IPO9: variants seen among roughly 807,000 people sequenced by gnomAD.
The protein encoded by IPO9 is importin 9.
A neutral mutation model predicts 128.6 loss-of-function variants in IPO9; 28 were observed. That is an observed-to-expected ratio of 0.22 (90% CI 0.16 to 0.30). The LOEUF (loss-of-function observed/expected upper bound fraction) is 0.30. Ranked by LOEUF, IPO9 falls within the 10% of genes least tolerant of loss-of-function variation. The pLI is 1.00. For synonymous variants in IPO9, 455 were observed against 475.8 expected (o/e 0.96, Z 0.57); for missense variants, 935 against 1,293.9 (o/e 0.72, Z 4.26).
chr1:201,876,460 A>G lies in IPO9; in HGVS notation c.*406A>G. On this transcript the variant is annotated 3_prime_UTR_variant, in exon 24 of 24. Transcript: ENST00000361565. ...TTCTAAAACAGACCTATCTATGTTC[A>G]TAGGACTTCTGATGTGTTCAGATAG... 5.8e-6 allele frequency: 2 copies of G among 347,122 alleles called. No individual in the cohort carries two copies. The highest frequency in any genetic ancestry group is 2.3e-5 in the South Asian group (1 of 44,116). The allele number at this position is 347,122 out of a possible 1,614,324, so 21.5% of individuals were successfully genotyped here. A position where few individuals can be genotyped will look rare whatever the true frequency, so the allele number is the denominator to read the frequency against.
At position 201,870,583 on chromosome 1, in the gene IPO9, A is replaced by C; in HGVS notation, c.2134A>C (p.Asn712His). 6.2e-7 allele frequency: 1 copy of C among 1,611,110 alleles called. No homozygotes were observed. Among genetic ancestry groups the C allele is most frequent in the Non-Finnish European group, 8.5e-7 (1 of 1,177,626 alleles). The change falls in exon 18 of 24, where the codon AAT becomes CAT. Residue 712 changes from asparagine to histidine, a missense_variant and splice_region_variant. Coordinates refer to ENST00000361565, the MANE Select transcript of IPO9 (RefSeq NM_018085.5). This position sits in a 1 kb window ranked among gnomAD's most constrained non-coding sequence, Gnocchi z 4.9. ...LHTDDNATMQ[N>H]GGECLRAYVS... Reference sequence around the variant, plus strand: ...TTGCTTGCCACCCCTGTCTCCCCAGAATGGCGGAGAGTGCTTGCGGGCCTA... The same window carrying C: ...TTGCTTGCCACCCCTGTCTCCCCAGCATGGCGGAGAGTGCTTGCGGGCCTA...
chr1:201,869,792 G>A, intron 17 of IPO9, 74 bp downstream of exon 17: 4 of 1,502,168 alleles, frequency 2.7e-6, no homozygotes, highest in Middle Eastern at 1.8e-4. Flanking sequence ...TGAGAAATCT[G>A]ACATGGTTTT....
chr1:201,836,180 C>A (rs2102868200), intron 1 of IPO9, among the ~76,000 whole-genome samples: 1 of 145,580 alleles, frequency 6.9e-6, no homozygotes, highest in East Asian at 2.0e-4. Context: ...TCCCCCAACA[C>A]ACACACACGT....
chr1:201,872,351 G>A (rs1680668961), intron 19 of IPO9, among the ~76,000 whole-genome samples: 1 of 152,118 alleles, frequency 6.6e-6, no homozygotes, highest in Non-Finnish European at 1.5e-5. Context: ...AAGAAGAACA[G>A]GTCACCTGTA....
Position 201,829,558 on chromosome 1 carries a change from AAG to A in IPO9, c.163+187_163+188del, listed in dbSNP as rs374967213. The stretch of plus-strand genomic sequence containing the variant: ...GTCCGAGAGAGGAGAGGCGCGCCTG[AAG>A]GATAGGGTCGGGGGAGGTGGAGCCT... On this transcript the variant is annotated intron_variant, in intron 1 of 23. Coordinates refer to ENST00000361565, the MANE Select transcript of IPO9 (RefSeq NM_018085.5). 4.9e-3 allele frequency: 1,439 copies of A among 293,344 alleles called. 23 individuals are homozygous for A. Among genetic ancestry groups the A allele is most frequent in the African/African-American group, 0.032 (1,361 of 42,170 alleles). The allele number at this position is 293,344 out of a possible 1,614,324, so 18.2% of individuals were successfully genotyped here. A position where few individuals can be genotyped will look rare whatever the true frequency, so the allele number is the denominator to read the frequency against.
rs1186817226 is a variant in IPO9, at chr1:201,871,962, C to T, written c.2576+635C>T. On this transcript the variant is annotated intron_variant, in intron 19 of 23. Coordinates refer to ENST00000361565, the MANE Select transcript of IPO9 (RefSeq NM_018085.5). ...TATAAGCCCAAGCCTTGGCCAGGCA[C>T]AGTGGCTCACACCTATAATCCCAGC... Among the ~76,000 whole-genome samples the T allele has an allele frequency of 2.0e-5, 3 of 152,170 alleles. No homozygotes were observed. In the East Asian group the frequency reaches 5.8e-4, roughly 29 times the overall value.
In IPO9 at chr1:201,877,486, A is replaced by AACACACAC. The variant is rs1680786614; in HGVS notation, c.*1432_*1433insACACACAC. ...CCGTTGCATTCCAAGGCAAGACTCA[A>AACACACAC]TCACACACACACACACACACACACA... is the stretch of plus-strand genomic sequence containing the variant. On this transcript the variant is annotated 3_prime_UTR_variant, in exon 24 of 24. Transcript: ENST00000361565. 3 of 89,334 alleles carry AACACACAC rather than the reference A, an allele frequency of 3.4e-5. No homozygotes were observed. The highest frequency in any genetic ancestry group is 1.0e-4 in the African/African-American group (3 of 28,982). 5.5% of individuals were successfully genotyped at this position (89,334 alleles called of 1,614,324 possible).
Position 201,848,614 on chromosome 1 carries a change from C to T in IPO9, c.514+20C>T, listed in dbSNP as rs1357217537. Reference sequence around the variant, plus strand: ...TGACAGGTACCAGAAGCCCTTTTCCCTGGTATTGGTACTTGGATCTCAAGC... The same window carrying T: ...TGACAGGTACCAGAAGCCCTTTTCCTTGGTATTGGTACTTGGATCTCAAGC... On this transcript the variant is annotated intron_variant, in intron 4 of 23. Coordinates refer to ENST00000361565, the MANE Select transcript of IPO9 (RefSeq NM_018085.5). The T allele has an allele frequency of 1.2e-6, 2 of 1,612,118 alleles. No homozygotes were observed. Among genetic ancestry groups the T allele is most frequent in the East Asian group, 4.5e-5 (2 of 44,880 alleles).
Position 201,829,267 on chromosome 1 carries a change from G to A in IPO9, c.58G>A (p.Gly20Arg), listed in dbSNP as rs756977842. 2 of 1,598,464 alleles carry A rather than the reference G, an allele frequency of 1.3e-6. No individual in the cohort carries two copies. Among genetic ancestry groups the A allele is most frequent in the South Asian group, 2.3e-5 (2 of 88,586 alleles). ...CGGGCTGCCGGGTCCAGTGGCACAAGGATTAAAGGAAGCGTTAGTGGATAC... is the reference window on the plus strand; with the variant it reads ...CGGGCTGCCGGGTCCAGTGGCACAAAGATTAAAGGAAGCGTTAGTGGATAC... ...ASGLPGPVAQ[G>R]LKEALVDTLT... Residue 20 changes from glycine (G) to arginine (R), a missense_variant, in exon 1 of 24, where the codon GGA (glycine) becomes AGA (arginine). Physicochemically the swap from Gly to Arg is moderately radical, Grantham distance 125. Transcript: ENST00000361565.
At chr1:201,872,605 A>AC (rs1168958695) in intron 19 of IPO9, among the ~76,000 whole-genome samples, 2 of 145,196 alleles carry the variant, frequency 1.4e-5, no homozygotes, top group Non-Finnish European at 1.5e-5. Context: ...CCCTATCTCA[A>AC]AAACAACAAC....
chr1:201,833,199 T>G (rs1011309827), intron 1 of IPO9, among the ~76,000 whole-genome samples: 20 of 151,976 alleles, frequency 1.3e-4, no homozygotes, highest in African/African-American at 4.4e-4. Flanking sequence ...TAAGATAGGT[T>G]ACTTCATCAG....
chr1:201,830,405 A>G (rs1679812284), intron 1 of IPO9, among the ~76,000 whole-genome samples: 2 of 152,174 alleles, frequency 1.3e-5, no homozygotes, highest in Admixed American at 1.3e-4. Context: ...ATTTAGAACA[A>G]ATCTCTCTTA....
intron 1 of IPO9, among the ~76,000 whole-genome samples, chr1:201,838,921 C>CTT (rs386354520): frequency 1.1e-4 from 15 of 142,650 alleles, no homozygotes; most frequent in East Asian, 1.0e-3. Flanking sequence ...TTAGAGGAAA[C>CTT]TTTTTTTTTT....
intron 13 of IPO9, among the ~76,000 whole-genome samples, chr1:201,862,826 T>C (rs1027313363): frequency 6.7e-6 from 1 of 149,608 alleles, no homozygotes; most frequent in Non-Finnish European, 1.5e-5. Flanking sequence ...AAAAAAAAGA[T>C]TAACTAGTAG....
intron 17 of IPO9, among the ~76,000 whole-genome samples, 183 bp downstream of exon 17, chr1:201,869,901 T>C (rs1171824349): frequency 6.6e-6 from 1 of 152,208 alleles, no homozygotes; most frequent in African/African-American, 2.4e-5. Context: ...CTTTGGAGCA[T>C]GTTACAGTTT....
chr1:201,862,534 C>T (rs914818661), intron 13 of IPO9, among the ~76,000 whole-genome samples: 1 of 151,848 alleles, frequency 6.6e-6, no homozygotes, highest in Non-Finnish European at 1.5e-5. Context: ...TGGGCGGGTA[C>T]CATGGCTCAC....
Position 201,874,319 on chromosome 1 carries a change from A to G in IPO9, c.2780A>G (p.Asn927Ser), listed in dbSNP as rs370826445. 43 of 1,613,780 alleles carry G rather than the reference A, an allele frequency of 2.7e-5. No homozygotes were observed. The highest frequency in any genetic ancestry group is 3.3e-5 in the Non-Finnish European group (39 of 1,179,856). Residue 927 changes from asparagine to serine, a missense_variant, in exon 21 of 24, where the codon AAC becomes AGC. By Grantham distance (46) the Asn-to-Ser change is conservative. Around this residue, in one of 3 missense-constraint regions of IPO9, gnomAD observed 188 missense variants for 246.7 expected, o/e 0.76. Coordinates refer to ENST00000361565, the MANE Select transcript of IPO9 (RefSeq NM_018085.5). ...ILKLIINELSNVMEANAARQA... is the reference protein window; with the variant it reads ...ILKLIINELSSVMEANAARQA... Reference sequence around the variant, plus strand: ...AAGCTGATCATCAACGAGCTCTCCAACGTCATGGAGGCTAATGCCGCTCGC... The same window carrying G: ...AAGCTGATCATCAACGAGCTCTCCAGCGTCATGGAGGCTAATGCCGCTCGC...
intron 4 of IPO9, among the ~76,000 whole-genome samples, chr1:201,848,990 C>T (rs1224337215): frequency 3.3e-5 from 5 of 152,150 alleles, no homozygotes; most frequent in Non-Finnish European, 7.3e-5. Flanking sequence ...GCTAATCTAT[C>T]TTTATTGACT....
intron 11 of IPO9, 124 bp downstream of exon 11, chr1:201,857,318 G>A: frequency 1.5e-6 from 1 of 651,520 alleles, no homozygotes; most frequent in Non-Finnish European, 2.7e-6. Flanking sequence ...AGACTTTATT[G>A]GGGATGCAAG....
Sources: allele counts gnomAD v4.1 joint callset (sites outside exome capture counted in the v4.1 genomes callset), GRCh38; gene constraint gnomAD v4.1.1; regional missense constraint gnomAD v4.1.1; non-coding constraint Gnocchi (gnomAD v3.1); transcripts MANE v1.5; gene names NCBI Gene and HGNC (gene_info 2026-07-23, HGNC 2026-07-21).